Variants in TCEA1 observed in about 807,000 individuals in gnomAD.
The protein encoded by TCEA1 is transcription elongation factor A protein 1.
In TCEA1, 21 loss-of-function variants were observed where a neutral mutation model predicts 43.8. That is an observed-to-expected ratio of 0.48 (90% CI 0.34 to 0.69). The LOEUF (loss-of-function observed/expected upper bound fraction) is 0.69. Ranked by LOEUF, TCEA1 falls within the 30% of genes least tolerant of loss-of-function variation. TCEA1 has a pLI of 0.01. For synonymous variants in TCEA1, 104 were observed against 117.5 expected (o/e 0.88, Z 0.75); for missense variants, 250 against 365.1 (o/e 0.68, Z 2.57).
intron 2 of TCEA1, among the ~76,000 whole-genome samples, chr8:54,002,704 T>C (rs1453374889): frequency 6.6e-6 from 1 of 152,170 alleles, no homozygotes; most frequent in Non-Finnish European, 1.5e-5. Context: ...ATGTAATAGA[T>C]AGGTTATACG....
chr8:54,011,615 A>C (rs1804654791), intron 1 of TCEA1, among the ~76,000 whole-genome samples: 1 of 152,234 alleles, frequency 6.6e-6, no homozygotes, highest in Admixed American at 6.5e-5. Context: ...CACCCTACAA[A>C]TCAATGAAAT....
chr8:53,978,578 G>A (rs79286948), intron 8 of TCEA1: 2,132 of 153,788 alleles, frequency 0.014, 38 homozygotes, highest in Non-Finnish European at 0.021. Context: ...TGAAGCAGAT[G>A]AGCCTCCTTC....
Position 53,990,313 on chromosome 8 carries a change from CT to C in TCEA1, c.321-2055del, listed in dbSNP as rs1482264405. On this transcript the variant is annotated intron_variant, in intron 4 of 9. Coordinates refer to ENST00000521604, the MANE Select transcript of TCEA1 (RefSeq NM_006756.4). ...CAAGTGATAATTCCGCCTCGGCGTCCTAAAGTGCTTGAGCCACCGTGCCAGG... is the reference window on the plus strand; with the variant it reads ...CAAGTGATAATTCCGCCTCGGCGTCCAAAGTGCTTGAGCCACCGTGCCAGG... Among the ~76,000 whole-genome samples the C allele has an allele frequency of 8.6e-5, 13 of 151,498 alleles. No homozygotes were observed. The East Asian group carries it at 2.5e-3, about 29-fold the overall frequency.
intron 8 of TCEA1, among the ~76,000 whole-genome samples, chr8:53,978,288 G>T (rs11996666): frequency 0.2 from 30,068 of 152,088 alleles, 4,283 homozygotes; most frequent in East Asian, 0.74. Flanking sequence ...ACTTAAGAAA[G>T]AAATCTTATC....
At chr8:53,999,909 ACAT>A in intron 3 of TCEA1, 33 bp downstream of exon 3, 3 of 1,320,276 alleles carry the variant, frequency 2.3e-6, no homozygotes, top group Non-Finnish European at 3.2e-6. Context: ...ATAAATCACA[ACAT>A]CATAAATATA....
chr8:53,974,920 AATATAT>A (rs919400094), intron 8 of TCEA1, among the ~76,000 whole-genome samples: 1 of 150,896 alleles, frequency 6.6e-6, no homozygotes, highest in Non-Finnish European at 1.5e-5. Flanking sequence ...GATAATTTGA[AATATAT>A]ATATATATAA....
chr8:53,994,157 C>T (rs1346966316), intron 3 of TCEA1, among the ~76,000 whole-genome samples: 1 of 152,114 alleles, frequency 6.6e-6, no homozygotes, highest in Admixed American at 6.5e-5. Flanking sequence ...CCAGCCTGGG[C>T]AACATGACAA....
intron 7 of TCEA1, 29 bp downstream of exon 7, chr8:53,984,334 A>T (rs1304598077): frequency 6.4e-7 from 1 of 1,565,974 alleles, no homozygotes; most frequent in Middle Eastern, 2.4e-4. Context: ...GAATCACATT[A>T]TAGAAACCTC....
Position 53,970,392 on chromosome 8 carries a change from CT to C in TCEA1, c.896del (p.Lys299SerfsTer15). 6.2e-7 allele frequency: 1 copy of C among 1,602,590 alleles called. No homozygotes were observed. Among genetic ancestry groups the C allele is most frequent in the African/African-American group, 1.3e-5 (1 of 74,736 alleles). On this transcript the variant is annotated frameshift_variant and splice_region_variant, in exon 9 of 10. Coordinates refer to ENST00000521604, the MANE Select transcript of TCEA1 (RefSeq NM_006756.4). LOFTEE classifies it high-confidence loss of function. ...VVCNECGNRW[K>X]FC Reference sequence around the variant, plus strand: ...AATATGAATCCAAGAGAGTCCATACCTTCCATCGATTTCCACATTCATTACA... The same window carrying C: ...AATATGAATCCAAGAGAGTCCATACCTCCATCGATTTCCACATTCATTACA...
chr8:53,971,978 A>G (rs1803171412), intron 8 of TCEA1: 1 of 192,340 alleles, frequency 5.2e-6, no homozygotes, highest in African/African-American at 2.4e-5. Flanking sequence ...AAAGTACAAA[A>G]GAGAAAAAAA....
chr8:53,986,359 G>A (rs2129303020), intron 6 of TCEA1, among the ~76,000 whole-genome samples: 1 of 152,280 alleles, frequency 6.6e-6, no homozygotes, highest in South Asian at 2.1e-4. Context: ...AGTTTAATCT[G>A]TGAAAGAAAC....
chr8:53,975,261 C>T (rs1803294036), intron 8 of TCEA1, among the ~76,000 whole-genome samples: 3 of 152,066 alleles, frequency 2.0e-5, no homozygotes. Context: ...CTAAATATTG[C>T]AAACAACAAA....
At chr8:53,990,342 C>T (rs1054545877) in intron 4 of TCEA1, among the ~76,000 whole-genome samples, 1 of 151,538 alleles carries the variant, frequency 6.6e-6, no homozygotes, top group Admixed American at 6.6e-5. Context: ...GTGCCAGGCC[C>T]CAAAACTCAT....
At chr8:54,008,888 G>A (rs1464289773) in intron 2 of TCEA1, among the ~76,000 whole-genome samples, 6 of 146,768 alleles carry the variant, frequency 4.1e-5, no homozygotes, top group East Asian at 2.0e-4. Context: ...CTCACTTTGC[G>A]GCTTGGGATG....
rs558253108 is a variant in TCEA1, at chr8:53,970,412, C to G, written c.877G>C (p.Glu293Gln). 2.7e-5 allele frequency: 44 copies of G among 1,610,430 alleles called. No homozygotes were observed. The highest frequency in any genetic ancestry group is 2.8e-5 in the Non-Finnish European group (33 of 1,177,610). Residue 293 changes from glutamate to glutamine, a missense_variant, in exon 9 of 10, where the codon GAA becomes CAA. Glu to Gln is a conservative substitution (Grantham distance 29). Around this residue, in one of 4 missense-constraint regions of TCEA1, gnomAD observed 46 missense variants for 109.8 expected, o/e 0.42. Transcript: ENST00000521604. ...CATACCTTCCATCGATTTCCACATTCATTACAGACAACAAATGTTGTCATT... is the reference window on the plus strand; with the variant it reads ...CATACCTTCCATCGATTTCCACATTGATTACAGACAACAAATGTTGTCATT... ...EPMTTFVVCN[E>Q]CGNRWKFC
At chr8:53,999,225 A>C (rs1804171063) in intron 3 of TCEA1, among the ~76,000 whole-genome samples, 2 of 69,074 alleles carry the variant, frequency 2.9e-5, no homozygotes, top group African/African-American at 1.0e-4. Flanking sequence ...ACTCAGTCTC[A>C]AAAAAAAAAA....
At chr8:53,995,615 T>C (rs1339272431) in intron 3 of TCEA1, among the ~76,000 whole-genome samples, 2 of 152,236 alleles carry the variant, frequency 1.3e-5, no homozygotes, top group East Asian at 1.9e-4. Context: ...CATCTCTCTG[T>C]ATAGAATATA....
intron 3 of TCEA1, among the ~76,000 whole-genome samples, chr8:53,997,137 T>C (rs1043232775): frequency 1.3e-5 from 2 of 152,068 alleles, no homozygotes; most frequent in South Asian, 2.1e-4. Flanking sequence ...CTCGATCTCC[T>C]GACCTCGTGA....
At chr8:53,982,338 T>C (rs1464641389) in intron 7 of TCEA1, among the ~76,000 whole-genome samples, 4 of 152,194 alleles carry the variant, frequency 2.6e-5, no homozygotes, top group Admixed American at 2.6e-4. Context: ...CCAGGCACGG[T>C]GGCTCACGCC....
Sources: gnomAD v4.1 joint callset for allele counts (sites outside exome capture counted in the v4.1 genomes callset) on GRCh38, gnomAD v4.1.1 for gene constraint, gnomAD v4.1.1 regional missense constraint, MANE v1.5 for transcripts, NCBI Gene and HGNC (gene_info 2026-07-23, HGNC 2026-07-21) for gene names.